GPC6: variants seen among roughly 807,000 people sequenced by gnomAD.
The protein encoded by GPC6 is glypican 6.
GPC6 carries 14 observed loss-of-function variants against 55.2 expected under a neutral mutation model. The observed-to-expected ratio is 0.25, with a 90% CI of 0.17 to 0.40. The LOEUF is 0.40. Among genes scored for constraint, GPC6 ranks in the 10% least tolerant of loss-of-function variants. GPC6 has a pLI of 1.00. For synonymous variants in GPC6, 278 were observed against 259.6 expected (o/e 1.07, Z -0.68); for missense variants, 641 against 708.5 (o/e 0.90, Z 1.08).
At chr13:94,288,501 C>T (rs1892592599) in intron 5 of GPC6, among the ~76,000 whole-genome samples, 1 of 151,726 alleles carries the variant, frequency 6.6e-6, no homozygotes, top group African/African-American at 2.4e-5. Context: ...CTCCTGCAAG[C>T]TCTTGCATTA....
intron 2 of GPC6, among the ~76,000 whole-genome samples, chr13:93,741,306 G>A (rs1017300197): frequency 9.2e-5 from 14 of 151,522 alleles, no homozygotes; most frequent in African/African-American, 2.7e-4. Flanking sequence ...TAGTAGAGAC[G>A]GGGTTTCACT....
chr13:93,378,737 T>C (rs560805773), intron 1 of GPC6, among the ~76,000 whole-genome samples: 1 of 152,222 alleles, frequency 6.6e-6, no homozygotes, highest in East Asian at 1.9e-4. Context: ...GGCTCACGCT[T>C]GTAATCCCAC....
chr13:93,626,100 C>T (rs761747658), intron 2 of GPC6, among the ~76,000 whole-genome samples: 1 of 152,084 alleles, frequency 6.6e-6, no homozygotes, highest in Admixed American at 6.6e-5. Flanking sequence ...TTGCTACAAA[C>T]GCTATGGCAA....
chr13:93,390,403 G>A (rs902945287), intron 1 of GPC6, among the ~76,000 whole-genome samples: 3 of 152,002 alleles, frequency 2.0e-5, no homozygotes, highest in Non-Finnish European at 4.4e-5. Flanking sequence ...TTTCTGTAAT[G>A]GCACTTATAG....
chr13:93,641,199 T>A (rs907436788), intron 2 of GPC6, among the ~76,000 whole-genome samples: 9 of 152,072 alleles, frequency 5.9e-5, no homozygotes, highest in African/African-American at 2.2e-4. Flanking sequence ...ATCCCCTTGC[T>A]CTTACACTGC....
At chr13:93,542,746 T>C (rs1423054460) in intron 1 of GPC6, among the ~76,000 whole-genome samples, 6 of 152,202 alleles carry the variant, frequency 3.9e-5, no homozygotes, top group African/African-American at 1.4e-4. Flanking sequence ...TCACGTCCCT[T>C]GTAAGTTGGA....
chr13:94,100,493 T>C (rs1393299031), intron 4 of GPC6, among the ~76,000 whole-genome samples: 1 of 152,196 alleles, frequency 6.6e-6, no homozygotes, highest in African/African-American at 2.4e-5. Flanking sequence ...TTGGGGTCAC[T>C]TCAACAAAGA....
At chr13:94,306,199 T>A in intron 6 of GPC6, 76 bp downstream of exon 6, 2 of 1,534,418 alleles carry the variant, frequency 1.3e-6, no homozygotes, top group East Asian at 2.2e-5. Flanking sequence ...CCCAGGAGAT[T>A]CTGGAAAAGT....
At chr13:94,171,277 G>C (rs923958556) in intron 4 of GPC6, among the ~76,000 whole-genome samples, 1 of 152,158 alleles carries the variant, frequency 6.6e-6, no homozygotes, top group Non-Finnish European at 1.5e-5. Flanking sequence ...TTACACGCAA[G>C]ACCATTGAAA....
intron 2 of GPC6, among the ~76,000 whole-genome samples, chr13:93,736,758 T>C (rs1219124945): frequency 6.6e-6 from 1 of 152,184 alleles, no homozygotes; most frequent in East Asian, 1.9e-4. Context: ...TTAGTGTTTA[T>C]GGTAAGAATT....
intron 3 of GPC6, among the ~76,000 whole-genome samples, chr13:93,948,945 T>C (rs1057268292): frequency 3.3e-5 from 5 of 152,338 alleles, no homozygotes; most frequent in South Asian, 2.1e-4. Flanking sequence ...AATCCCCATA[T>C]GTTCTGATAT....
chr13:94,204,110 G>C (rs1566539984), intron 4 of GPC6, among the ~76,000 whole-genome samples: 1 of 152,012 alleles, frequency 6.6e-6, no homozygotes, highest in African/African-American at 2.4e-5. Context: ...TCCTTTTCTA[G>C]AAAGGGATAG....
chr13:94,401,661 C>CA (rs10625778), intron 8 of GPC6, among the ~76,000 whole-genome samples: 2 of 152,070 alleles, frequency 1.3e-5, no homozygotes, highest in Non-Finnish European at 2.9e-5. Flanking sequence ...TGTATGTGAA[C>CA]GGGTAGTTGG....
chr13:93,786,722 A>G (rs943246224), intron 2 of GPC6, among the ~76,000 whole-genome samples: 1 of 152,042 alleles, frequency 6.6e-6, no homozygotes, highest in Non-Finnish European at 1.5e-5. Context: ...AATATTTTGC[A>G]TCCTGTGACT....
At chr13:93,631,227 G>T (rs990750060) in intron 2 of GPC6, among the ~76,000 whole-genome samples, 1 of 152,146 alleles carries the variant, frequency 6.6e-6, no homozygotes, top group Non-Finnish European at 1.5e-5. Context: ...CCACCTTGTG[G>T]ATTGAATCCC....
intron 2 of GPC6, among the ~76,000 whole-genome samples, chr13:93,638,290 C>G (rs986772531): frequency 6.6e-6 from 1 of 152,026 alleles, no homozygotes; most frequent in Non-Finnish European, 1.5e-5. Flanking sequence ...AGGCATAGCC[C>G]TTTTATGCAA....
At position 93,436,607 on chromosome 13, in the gene GPC6, A is replaced by G. The variant is rs562379517; in HGVS notation, c.161-108656A>G. Among the ~76,000 whole-genome samples the G allele has an allele frequency of 2.6e-5, 4 of 152,150 alleles. No homozygotes were observed. The East Asian group carries it at 5.8e-4, about 22-fold the overall frequency. On this transcript the variant is annotated intron_variant, in intron 1 of 8. Coordinates refer to ENST00000377047, the MANE Select transcript of GPC6 (RefSeq NM_005708.5). ...TGCTTGCCCATTTAAAAACAAAAAC[A>G]CAGGTTTTAATTCCATGTATACTTA...
chr13:94,172,189 T>C (rs1316620187), intron 4 of GPC6, among the ~76,000 whole-genome samples: 1 of 151,952 alleles, frequency 6.6e-6, no homozygotes, highest in Admixed American at 6.6e-5. Context: ...CTGAGGAACC[T>C]ACCCACCAGA....
At chr13:93,517,335 C>T (rs950336205) in intron 1 of GPC6, among the ~76,000 whole-genome samples, 2 of 151,962 alleles carry the variant, frequency 1.3e-5, no homozygotes, top group Non-Finnish European at 2.9e-5. Flanking sequence ...GGCCAAGCCT[C>T]CTTTTCAGGC....
Sources: allele counts gnomAD v4.1 joint callset (sites outside exome capture counted in the v4.1 genomes callset), GRCh38; gene constraint gnomAD v4.1.1; transcripts MANE v1.5; gene names NCBI Gene and HGNC (gene_info 2026-07-23, HGNC 2026-07-21).